The following PRKD3 variants were observed in gnomAD, a reference collection of about 807,000 sequenced individuals.
PRKD3 encodes protein kinase D3, also known as serine/threonine-protein kinase D3.
A neutral mutation model predicts 99.2 loss-of-function variants in PRKD3; 47 were observed. That is an observed-to-expected ratio of 0.47 (90% CI 0.38 to 0.60). PRKD3 has a LOEUF of 0.60. Ranked by LOEUF, PRKD3 falls within the 20% of genes least tolerant of loss-of-function variation. PRKD3 has a pLI of 0.00. For missense variants in PRKD3, 1,019 were observed against 1,088.4 expected, an observed-to-expected ratio of 0.94 and a Z score of 0.90; for synonymous variants, 392 against 355.4, an observed-to-expected ratio of 1.10 and a Z score of -1.16.
chr2:37,309,818 A>G (rs894041674), intron 2 of PRKD3, among the ~76,000 whole-genome samples: 10 of 143,198 alleles, frequency 7.0e-5, no homozygotes, highest in Admixed American at 6.0e-4. Context: ...ACTGCATTCC[A>G]GCCTGGCGAC....
rs1185275966 is a variant in PRKD3 at position 37,250,532 on chromosome 2, T to A, written c.*2645A>T. 1.1e-4 allele frequency: 17 copies of A among 152,194 alleles called. No homozygotes were observed. The highest frequency in any genetic ancestry group is 1.1e-3 in the Admixed American group (17 of 15,284). The allele number at this position is 152,194 out of a possible 1,614,324, so 9.4% of individuals were successfully genotyped here. A position where few individuals can be genotyped will look rare whatever the true frequency, so the allele number is the denominator to read the frequency against. On this transcript the variant is annotated 3_prime_UTR_variant, in exon 19 of 19. Coordinates refer to ENST00000234179, the MANE Select transcript of PRKD3 (RefSeq NM_005813.6). ...TAGAAAATTATAAAATGAGCTTTTT[T>A]TTATTTTTGGCAGGTTAAAAAAAAA... is the stretch of plus-strand genomic sequence containing the variant.
At chr2:37,263,257 C>T (rs947507317) in intron 14 of PRKD3, among the ~76,000 whole-genome samples, 8 of 152,196 alleles carry the variant, frequency 5.3e-5, no homozygotes, top group Non-Finnish European at 8.8e-5. Flanking sequence ...ATTTTGATTT[C>T]GCTCTTTGAT....
chr2:37,284,652 C>A (rs1670003771), intron 6 of PRKD3, among the ~76,000 whole-genome samples: 1 of 152,122 alleles, frequency 6.6e-6, no homozygotes, highest in South Asian at 2.1e-4. Flanking sequence ...ATATTCAAAG[C>A]AAGCTGTTGA....
At position 37,316,951 on chromosome 2, in the gene PRKD3, A is replaced by C. The variant is rs1671692908; in HGVS notation, c.-427T>G. 1 of 998,730 alleles carries C rather than the reference A, an allele frequency of 1.0e-6. No individual in the cohort carries two copies. Among genetic ancestry groups the C allele is most frequent in the Non-Finnish European group, 1.2e-6 (1 of 838,598 alleles). The allele number at this position is 998,730 out of a possible 1,614,324, so 61.9% of individuals were successfully genotyped here. A position where few individuals can be genotyped will look rare whatever the true frequency, so the allele number is the denominator to read the frequency against. ...AATCCTCTTCGTTTAAAAAACAGTA[A>C]GTGTTTTGGATTAATCTATTCAGTA... On this transcript the variant is annotated 5_prime_UTR_variant, in exon 2 of 19. Coordinates refer to ENST00000234179, the MANE Select transcript of PRKD3 (RefSeq NM_005813.6).
At chr2:37,315,107 G>T (rs1404284295) in intron 2 of PRKD3, among the ~76,000 whole-genome samples, 1 of 152,166 alleles carries the variant, frequency 6.6e-6, no homozygotes, top group East Asian at 1.9e-4. Flanking sequence ...AGAGAGAGAT[G>T]ATTTTTGCAA....
intron 2 of PRKD3, 148 bp from the exon 3 acceptor site, chr2:37,293,419 C>G (rs1183702920): frequency 3.0e-6 from 2 of 670,810 alleles, no homozygotes; most frequent in Non-Finnish European, 4.4e-6. Flanking sequence ...AGGTGATCCA[C>G]GTACTCAAGC....
chr2:37,301,526 T>G (rs1183365999), intron 2 of PRKD3, among the ~76,000 whole-genome samples: 1 of 152,060 alleles, frequency 6.6e-6, no homozygotes. Flanking sequence ...CTCAAACTCC[T>G]GGGCTCAAGC....
chr2:37,302,189 G>T (rs1670959546), intron 2 of PRKD3, among the ~76,000 whole-genome samples: 1 of 152,260 alleles, frequency 6.6e-6, no homozygotes, highest in East Asian at 1.9e-4. Context: ...TAATGATACA[G>T]CATGGTAGAA....
Position 37,289,421 on chromosome 2 carries a change from G to T in PRKD3, c.652C>A (p.Pro218Thr), listed in dbSNP as rs1310170488. ...CTTGGAACTGAGAGGCCGGGTCCTG[G>T]TAAAGATACATTTGACAGACGTCTC... ...RKRRLSNVSL[P>T]GPGLSVPRPL... The change falls in exon 5 of 19, where the codon CCA becomes ACA. Residue 218 changes from proline to threonine, a missense_variant. Pro to Thr is a conservative substitution (Grantham distance 38). Coordinates refer to ENST00000234179, the MANE Select transcript of PRKD3 (RefSeq NM_005813.6). 6.2e-7 allele frequency: 1 copy of T among 1,614,040 alleles called. No individual in the cohort carries two copies.
Position 37,269,571 on chromosome 2 carries a change from T to G in PRKD3, c.1777+44A>C, listed in dbSNP as rs762138508. ...GGCAGATGTTTTACATTTTCCAGTT[T>G]TTAAAATAATGTGTACAATATGCAA... is the stretch of plus-strand genomic sequence containing the variant. On this transcript the variant is annotated intron_variant, in intron 13 of 18. Coordinates refer to ENST00000234179, the MANE Select transcript of PRKD3 (RefSeq NM_005813.6). 4 of 1,531,688 alleles carry G rather than the reference T, an allele frequency of 2.6e-6. No individual in the cohort carries two copies. In the Admixed American group the frequency reaches 6.7e-5, roughly 26 times the overall value. 94.9% of individuals were successfully genotyped at this position (1,531,688 alleles called of 1,614,324 possible).
At position 37,252,970 on chromosome 2, in the gene PRKD3, T is replaced by C. The variant is rs1667633534; in HGVS notation, c.*207A>G. 1 of 419,490 alleles carries C rather than the reference T, an allele frequency of 2.4e-6. No individual in the cohort carries two copies. Among genetic ancestry groups the C allele is most frequent in the East Asian group, 3.7e-5 (1 of 26,812 alleles). 26.0% of individuals were successfully genotyped at this position (419,490 alleles called of 1,614,324 possible). The stretch of plus-strand genomic sequence containing the variant: ...TAGGCTAAAAAAGTTTATAAAAAGC[T>C]TCACCTTGATTCCATTATGACTTCT... On this transcript the variant is annotated 3_prime_UTR_variant, in exon 19 of 19. Coordinates refer to ENST00000234179, the MANE Select transcript of PRKD3 (RefSeq NM_005813.6).
intron 11 of PRKD3, 104 bp from the exon 12 acceptor site, chr2:37,272,536 C>CA: frequency 7.3e-7 from 1 of 1,378,528 alleles, no homozygotes; most frequent in South Asian, 1.5e-5. Flanking sequence ...GTTTAGCACA[C>CA]AGTTAATACA....
At chr2:37,264,957 G>C (rs753800434) in intron 14 of PRKD3, among the ~76,000 whole-genome samples, 6 of 152,178 alleles carry the variant, frequency 3.9e-5, no homozygotes, top group Non-Finnish European at 8.8e-5. Context: ...CAGTGATCCT[G>C]TGATTTTTCC....
At chr2:37,272,233 A>G (rs1669313498) in intron 12 of PRKD3, 147 bp downstream of exon 12, 2 of 1,213,066 alleles carry the variant, frequency 1.6e-6, no homozygotes, top group Admixed American at 3.5e-5. Context: ...TTTCCTCTAT[A>G]AAGCAGAACT....
At chr2:37,257,204 A>G (rs1196805202) in intron 16 of PRKD3, among the ~76,000 whole-genome samples, 4 of 152,188 alleles carry the variant, frequency 2.6e-5, no homozygotes, top group African/African-American at 9.6e-5. Context: ...GACTGGTGTT[A>G]TAAGTGTTCT....
At chr2:37,292,187 C>T (rs570609027) in intron 3 of PRKD3, among the ~76,000 whole-genome samples, 1 of 152,058 alleles carries the variant, frequency 6.6e-6, no homozygotes, top group East Asian at 1.9e-4. Flanking sequence ...TTCTTTTATG[C>T]TCTTTACAGA....
chr2:37,317,169 A>G lies in PRKD3; in HGVS notation c.-645T>C. On this transcript the variant is annotated 5_prime_UTR_variant, in exon 2 of 19. An upstream start codon of the reference 5' UTR is lost. Coordinates refer to ENST00000234179, the MANE Select transcript of PRKD3 (RefSeq NM_005813.6). Reference sequence around the variant, plus strand: ...TCGAGAAAAGCTGATGCTTTCTGACATATAGTTAGCCTGGAAGGAAATTTT... The same window carrying G: ...TCGAGAAAAGCTGATGCTTTCTGACGTATAGTTAGCCTGGAAGGAAATTTT... 1 of 983,236 alleles carries G rather than the reference A, an allele frequency of 1.0e-6. No homozygotes were observed. The highest frequency in any genetic ancestry group is 1.2e-6 in the Non-Finnish European group (1 of 827,902). 60.9% of individuals were successfully genotyped at this position (983,236 alleles called of 1,614,324 possible).
At chr2:37,308,569 C>T (rs1053642825) in intron 2 of PRKD3, among the ~76,000 whole-genome samples, 1 of 148,870 alleles carries the variant, frequency 6.7e-6, no homozygotes, top group Admixed American at 6.7e-5. Context: ...ATTCTCCTGC[C>T]TCAGCCTCCC....
Position 37,277,851 on chromosome 2 carries a change from T to C in PRKD3, c.1296+15A>G. The C allele has an allele frequency of 6.2e-7, 1 of 1,607,956 alleles. No homozygotes were observed. The highest frequency in any genetic ancestry group is 1.1e-5 in the South Asian group (1 of 89,662). ...AAAGTCTTACTAGCATATTCAAATGTATTTGATTACTGACCAGGTTATCCC... is the reference window on the plus strand; with the variant it reads ...AAAGTCTTACTAGCATATTCAAATGCATTTGATTACTGACCAGGTTATCCC... On this transcript the variant is annotated intron_variant, in intron 9 of 18. Transcript: ENST00000234179.
Sources: gnomAD v4.1 joint callset for allele counts (sites outside exome capture counted in the v4.1 genomes callset) on GRCh38, gnomAD v4.1.1 for gene constraint, MANE v1.5 for transcripts, NCBI Gene and HGNC (gene_info 2026-07-23, HGNC 2026-07-21) for gene names.